FAM110B: variants seen among roughly 807,000 people sequenced by gnomAD.
FAM110B encodes protein FAM110B.
A neutral mutation model predicts 20.4 loss-of-function variants in FAM110B; 6 were observed. The ratio of observed to expected loss-of-function variants is 0.29; its 90% CI spans 0.16 to 0.58. The LOEUF is 0.58. Among genes scored for constraint, FAM110B ranks in the 20% least tolerant of loss-of-function variants. The pLI, the probability that FAM110B is intolerant of heterozygous loss-of-function variation, is 0.90. For missense variants in FAM110B, 434 were observed against 498.2 expected (o/e 0.87, Z 1.23); for synonymous variants, 226 against 214.1 (o/e 1.06, Z -0.49).
rs1803911683 is a variant in FAM110B, at chr8:58,148,149, A to G, written c.*806A>G. On this transcript the variant is annotated 3_prime_UTR_variant, in exon 4 of 4. Transcript: ENST00000519262. ...AATACTGAATGCCTTTAAAAAAAAA[A>G]AAAGTTGTGGTTTTTTGTTTTTTTT... The G allele has an allele frequency of 6.1e-6, 1 of 162,694 alleles. No homozygotes were observed. The highest frequency in any genetic ancestry group is 1.5e-5 in the Non-Finnish European group (1 of 67,554). 10.1% of individuals were successfully genotyped at this position (162,694 alleles called of 1,614,324 possible).
At chr8:58,109,601 G>T (rs1362536178) in intron 3 of FAM110B, among the ~76,000 whole-genome samples, 1 of 152,130 alleles carries the variant, frequency 6.6e-6, no homozygotes. Flanking sequence ...TGTTCCTGTG[G>T]CTTATACACC....
chr8:57,998,721 TA>T (rs2150560887), intron 1 of FAM110B, among the ~76,000 whole-genome samples: 2 of 152,360 alleles, frequency 1.3e-5, no homozygotes, highest in South Asian at 4.1e-4. Flanking sequence ...TTTTGGGGAA[TA>T]GTTGTAGGAA....
intron 3 of FAM110B, among the ~76,000 whole-genome samples, chr8:58,105,669 C>T (rs376687717): frequency 2.1e-5 from 3 of 146,020 alleles, no homozygotes; most frequent in Non-Finnish European, 4.5e-5. Flanking sequence ...CCCAGGTTCA[C>T]GCCATTCTCC....
At chr8:58,039,168 C>A (rs908535712) in intron 2 of FAM110B, among the ~76,000 whole-genome samples, 3 of 152,212 alleles carry the variant, frequency 2.0e-5, no homozygotes, top group African/African-American at 2.4e-5. Flanking sequence ...GGCTGGCACT[C>A]ACAGGGCCCC....
intron 2 of FAM110B, among the ~76,000 whole-genome samples, chr8:58,047,591 CCTCTCT>C (rs56031012): frequency 0.047 from 3,544 of 74,700 alleles, 105 homozygotes; most frequent in Middle Eastern, 0.13. Context: ...CTTCCTTTTT[CCTCTCT>C]CTCTCTCTCT....
chr8:58,111,403 G>A (rs936755912), intron 3 of FAM110B, among the ~76,000 whole-genome samples: 24 of 152,298 alleles, frequency 1.6e-4, no homozygotes, highest in African/African-American at 5.5e-4. Flanking sequence ...AGCAGGAATT[G>A]TGAAGTGGAT....
chr8:58,040,286 T>C (rs1469277233), intron 2 of FAM110B, among the ~76,000 whole-genome samples: 1 of 152,240 alleles, frequency 6.6e-6, no homozygotes, highest in Non-Finnish European at 1.5e-5. Flanking sequence ...AGTTTATTTA[T>C]TGAACATACA....
chr8:57,995,415 A>G (rs755030650), intron 1 of FAM110B, among the ~76,000 whole-genome samples: 13 of 152,096 alleles, frequency 8.5e-5, no homozygotes, highest in Non-Finnish European at 1.6e-4. Flanking sequence ...CGTGGCCTCA[A>G]TTGTCTCTAT....
At chr8:58,138,522 T>G (rs993998163) in intron 3 of FAM110B, among the ~76,000 whole-genome samples, 8 of 152,146 alleles carry the variant, frequency 5.3e-5, no homozygotes, top group African/African-American at 1.7e-4. Flanking sequence ...TGTGTTGGGC[T>G]TTTTTGGGTG....
At chr8:58,134,473 C>T (rs1803562435) in intron 3 of FAM110B, among the ~76,000 whole-genome samples, 1 of 152,220 alleles carries the variant, frequency 6.6e-6, no homozygotes, top group South Asian at 2.1e-4. Context: ...CCCAACTTCA[C>T]TTCCCAAGAT....
At chr8:58,084,394 T>G (rs986708437) in intron 3 of FAM110B, among the ~76,000 whole-genome samples, 1 of 116,618 alleles carries the variant, frequency 8.6e-6, no homozygotes, top group Non-Finnish European at 1.7e-5. Context: ...TCCATTTTCC[T>G]TTTTTTTTTT....
intron 3 of FAM110B, among the ~76,000 whole-genome samples, chr8:58,135,827 G>C (rs1310299743): frequency 6.6e-6 from 1 of 152,044 alleles, no homozygotes; most frequent in East Asian, 1.9e-4. Context: ...CTTTTAAGGA[G>C]GCTCGCTGAG....
At chr8:58,083,391 G>A (rs909545955) in intron 3 of FAM110B, among the ~76,000 whole-genome samples, 5 of 152,198 alleles carry the variant, frequency 3.3e-5, no homozygotes, top group Admixed American at 6.5e-5. Context: ...TAATCAAGGC[G>A]TAATTAGCTT....
chr8:58,012,325 A>G (rs1347136802), intron 1 of FAM110B, among the ~76,000 whole-genome samples: 1 of 152,016 alleles, frequency 6.6e-6, no homozygotes, highest in Non-Finnish European at 1.5e-5. Context: ...AGATAAAACT[A>G]AAGATCTTCT....
intron 3 of FAM110B, chr8:58,113,764 G>A (rs1807124212): frequency 6.6e-6 from 1 of 152,166 alleles, no homozygotes; most frequent in Non-Finnish European, 1.5e-5. Context: ...ATCTCCGACT[G>A]GAAATGATTC....
chr8:57,999,613 A>G (rs902921822), intron 1 of FAM110B, among the ~76,000 whole-genome samples: 1 of 152,196 alleles, frequency 6.6e-6, no homozygotes, highest in African/African-American at 2.4e-5. Context: ...TACTATGATG[A>G]TTATATTAAA....
At chr8:58,106,381 G>C (rs544154417) in intron 3 of FAM110B, 1 of 152,276 alleles carries the variant, frequency 6.6e-6, no homozygotes, top group Non-Finnish European at 1.5e-5. Flanking sequence ...CCCACCAAGA[G>C]TGATAACTCA....
intron 2 of FAM110B, among the ~76,000 whole-genome samples, chr8:58,059,842 G>C (rs1165506553): frequency 6.6e-6 from 1 of 152,034 alleles, no homozygotes; most frequent in Non-Finnish European, 1.5e-5. Context: ...ATAGTCTCCT[G>C]TTTGCTCTAG....
intron 2 of FAM110B, among the ~76,000 whole-genome samples, chr8:58,041,754 G>A (rs1326137530): frequency 2.6e-5 from 4 of 152,184 alleles, no homozygotes; most frequent in Non-Finnish European, 1.5e-5. Context: ...AGCACTTACT[G>A]GTGTTAACCA....
Sources: allele counts gnomAD v4.1 joint callset (sites outside exome capture counted in the v4.1 genomes callset), GRCh38; gene constraint gnomAD v4.1.1; transcripts MANE v1.5; gene names NCBI Gene and HGNC (gene_info 2026-07-23, HGNC 2026-07-21).